PRR16: variants seen among roughly 807,000 people sequenced by gnomAD.
The protein encoded by PRR16 is protein Largen.
In PRR16, 6 loss-of-function variants were observed where a neutral mutation model predicts 18.2. That is an observed-to-expected ratio of 0.33 (90% confidence interval 0.18 to 0.65). The LOEUF is 0.65. PRR16 is among the 30% of genes least tolerant of loss of function. The probability of loss-of-function intolerance (pLI) is 0.74; values close to 1 mark genes in which losing one functional copy is unlikely to be tolerated. For synonymous variants in PRR16, 151 were observed against 147.8 expected, an observed-to-expected ratio of 1.02 and a Z score of -0.16; for missense variants, 412 against 376.6, an observed-to-expected ratio of 1.09 and a Z score of -0.78.
chr5:120,480,994 C>T (rs889398857), intron 1 of PRR16, among the ~76,000 whole-genome samples: 7 of 152,056 alleles, frequency 4.6e-5, no homozygotes, highest in African/African-American at 1.7e-4. Flanking sequence ...CAGAAGTTTT[C>T]CTTTAAACCA....
intron 1 of PRR16, among the ~76,000 whole-genome samples, chr5:120,575,354 C>CACACACACACACACACACACACACA (rs397698033): frequency 6.6e-6 from 1 of 150,376 alleles, no homozygotes; most frequent in African/African-American, 2.4e-5. Context: ...CACACACACA[C>CACACACACACACACACACACACACA]GAAAACTACC....
At chr5:120,604,538 C>A (rs145295163) in intron 1 of PRR16, among the ~76,000 whole-genome samples, 5 of 152,146 alleles carry the variant, frequency 3.3e-5, no homozygotes, top group African/African-American at 4.8e-5. Flanking sequence ...AGTTTTTAGT[C>A]CATTTCCATT....
intron 1 of PRR16, among the ~76,000 whole-genome samples, chr5:120,677,666 T>C (rs1048390762): frequency 6.6e-6 from 1 of 152,132 alleles, no homozygotes; most frequent in Non-Finnish European, 1.5e-5. Flanking sequence ...AAGTTTGTTA[T>C]TGCAAATTCT....
chr5:120,492,707 T>C (rs983324592), intron 1 of PRR16, among the ~76,000 whole-genome samples: 1 of 152,142 alleles, frequency 6.6e-6, no homozygotes, highest in African/African-American at 2.4e-5. Context: ...CTTTTATCCC[T>C]GCCCCTTGAC....
chr5:120,690,871 A>C (rs1757200971), downstream of PRR16, among the ~76,000 whole-genome samples: 1 of 152,174 alleles, frequency 6.6e-6, no homozygotes, highest in African/African-American at 2.4e-5. Flanking sequence ...TACTGGGGAA[A>C]AAAAAACCTG....
At chr5:120,543,100 C>T (rs552175196) in intron 1 of PRR16, among the ~76,000 whole-genome samples, 1 of 152,118 alleles carries the variant, frequency 6.6e-6, no homozygotes, top group South Asian at 2.1e-4. Flanking sequence ...TATTATAAAT[C>T]CATAGGCTGA....
the PRR16 span, among the ~76,000 whole-genome samples, chr5:120,719,502 G>A: frequency 3.2e-4 from 48 of 151,992 alleles, no homozygotes; most frequent in African/African-American, 1.1e-3. Context: ...TGTTATAATC[G>A]CAAAAGGACA....
intron 1 of PRR16, among the ~76,000 whole-genome samples, chr5:120,598,369 G>T (rs1241299545): frequency 9.9e-5 from 15 of 151,706 alleles, no homozygotes. Context: ...AAATGTTTTG[G>T]TATGGCTGCC....
chr5:120,739,528 T>G, the PRR16 span, among the ~76,000 whole-genome samples: 1 of 152,178 alleles, frequency 6.6e-6, no homozygotes, highest in Non-Finnish European at 1.5e-5. Context: ...AACAGTATAC[T>G]GAAAGGTAAA....
the PRR16 span, among the ~76,000 whole-genome samples, chr5:120,708,349 A>T: frequency 2.0e-5 from 3 of 152,324 alleles, no homozygotes; most frequent in Middle Eastern, 3.4e-3. Context: ...CAAATGTTCT[A>T]GTTATGGCTA....
chr5:120,739,622 C>A, the PRR16 span, among the ~76,000 whole-genome samples: 1 of 152,072 alleles, frequency 6.6e-6, no homozygotes, highest in Non-Finnish European at 1.5e-5. Context: ...GTACATAGGA[C>A]GTCAACAACC....
At chr5:120,755,078 A>G in the PRR16 span, among the ~76,000 whole-genome samples, 398 of 151,720 alleles carry the variant, frequency 2.6e-3, 1 homozygote, top group African/African-American at 9.3e-3. Flanking sequence ...ATTAGGAGAT[A>G]TACCTAATGC....
chr5:120,696,788 C>G, the PRR16 span, among the ~76,000 whole-genome samples: 2 of 152,112 alleles, frequency 1.3e-5, no homozygotes, highest in Non-Finnish European at 2.9e-5. Context: ...AAGAAATATA[C>G]ACTCAACAGA....
chr5:120,496,583 G>A (rs898427070), intron 1 of PRR16, among the ~76,000 whole-genome samples: 6 of 150,964 alleles, frequency 4.0e-5, no homozygotes, highest in African/African-American at 1.5e-4. Context: ...TTGGTAATTT[G>A]TATCTTCTCT....
intron 1 of PRR16, among the ~76,000 whole-genome samples, chr5:120,638,364 G>A (rs1008647905): frequency 1.3e-5 from 2 of 152,054 alleles, no homozygotes; most frequent in Non-Finnish European, 2.9e-5. Flanking sequence ...TCAAACAGAA[G>A]TATATCTAAA....
intron 1 of PRR16, among the ~76,000 whole-genome samples, chr5:120,497,246 G>T (rs72788222): frequency 0.024 from 3,564 of 151,594 alleles, 51 homozygotes; most frequent in South Asian, 0.035. Context: ...TACTTCTTCT[G>T]TATCCTTGCT....
At position 120,477,599 on chromosome 5, in the gene PRR16, A is replaced by T. The variant is rs73262114; in HGVS notation, c.159+12954A>T. On this transcript the variant is annotated intron_variant, in intron 1 of 1. Transcript: ENST00000407149. ...TGACTATTCTCCTTTGCTCTCTTAA[A>T]CCTTTCTCAGCATTATCAGTAAGTG... Among the ~76,000 whole-genome samples the T allele has an allele frequency of 0.01, 1,575 of 152,118 alleles. 11 individuals carry two copies. In the Middle Eastern group the frequency reaches 0.11, roughly 11 times the overall value.
intron 1 of PRR16, among the ~76,000 whole-genome samples, chr5:120,645,680 C>T (rs1755567847): frequency 6.6e-6 from 1 of 151,892 alleles, no homozygotes; most frequent in Non-Finnish European, 1.5e-5. Context: ...GTTTGTGGGT[C>T]CTTCATGTTT....
In PRR16 at chr5:120,665,792, T is replaced by G. The variant is rs1180135858; in HGVS notation, c.160-20162T>G. Among the ~76,000 whole-genome samples the G allele has an allele frequency of 1.6e-3, 240 of 151,254 alleles. 1 individual carries two copies. In the Middle Eastern group the frequency reaches 0.017, roughly 11 times the overall value. ...TAGATATGTGGCATTATTTCTGAGG[T>G]CTCTGTTCTGTTCCATTGGTCTATA... On this transcript the variant is annotated intron_variant, in intron 1 of 1. Coordinates refer to ENST00000407149, the MANE Select transcript of PRR16 (RefSeq NM_001300783.2).
Sources: allele counts gnomAD v4.1 joint callset (sites outside exome capture counted in the v4.1 genomes callset), GRCh38; gene constraint gnomAD v4.1.1; transcripts MANE v1.5; gene names NCBI Gene and HGNC (gene_info 2026-07-23, HGNC 2026-07-21).